Variants in PHLPP2 observed in about 807,000 individuals in gnomAD.
PHLPP2 encodes the protein PH domain leucine-rich repeat-containing protein phosphatase 2.
PHLPP2 carries 66 observed loss-of-function variants against 124.9 expected under a neutral mutation model. The observed-to-expected ratio is 0.53, with a 90% confidence interval of 0.43 to 0.65. PHLPP2 has a LOEUF of 0.65. Ranked by LOEUF, PHLPP2 falls within the 30% of genes least tolerant of loss-of-function variation. PHLPP2 has a pLI of 0.00. For missense variants in PHLPP2, 1,685 were observed against 1,600.4 expected, an observed-to-expected ratio of 1.05 and a Z score of -0.90; for synonymous variants, 681 against 624.7, an observed-to-expected ratio of 1.09 and a Z score of -1.34.
intron 15 of PHLPP2, among the ~76,000 whole-genome samples, chr16:71,657,240 G>A (rs2044749815): frequency 6.6e-6 from 1 of 152,068 alleles, no homozygotes; most frequent in African/African-American, 2.4e-5. Flanking sequence ...ACCGCTCCCG[G>A]CTAATTTTTG....
At position 71,666,605 on chromosome 16, in the gene PHLPP2, A is replaced by C. The variant is rs1175560519; in HGVS notation, c.1784+573T>G. Among the ~76,000 whole-genome samples, 4 of 152,358 alleles carry C rather than the reference A, an allele frequency of 2.6e-5. No individual in the cohort carries two copies. In the East Asian group the frequency reaches 7.7e-4, roughly 29 times the overall value. ...TTAAAGGTGATGTACACATTAGGTA[A>C]ACCTGATTACAGGCCTAAAATAGGA... is the stretch of plus-strand genomic sequence containing the variant. On this transcript the variant is annotated intron_variant, in intron 12 of 18. Transcript: ENST00000568954.
At chr16:71,686,058 A>T (rs554107736) in intron 4 of PHLPP2, among the ~76,000 whole-genome samples, 1 of 152,292 alleles carries the variant, frequency 6.6e-6, no homozygotes, top group Non-Finnish European at 1.5e-5. Context: ...GTGAGCTGAG[A>T]TCGTGCCACT....
intron 3 of PHLPP2, among the ~76,000 whole-genome samples, chr16:71,697,215 T>TAAATAAATAAATAAATA (rs1555547739): frequency 1.2e-5 from 1 of 82,578 alleles, no homozygotes; most frequent in East Asian, 4.8e-4. Context: ...AATAAATAAA[T>TAAATAAATAAATAAATA]AAAAAGAAAC....
intron 1 of PHLPP2, among the ~76,000 whole-genome samples, chr16:71,719,380 A>C (rs1345002658): frequency 6.6e-6 from 1 of 152,116 alleles, no homozygotes; most frequent in Non-Finnish European, 1.5e-5. Flanking sequence ...TATTAAAAAT[A>C]CAGAAGAATT....
intron 1 of PHLPP2, among the ~76,000 whole-genome samples, chr16:71,717,449 G>A (rs2045370591): frequency 6.6e-6 from 1 of 152,152 alleles, no homozygotes; most frequent in African/African-American, 2.4e-5. Flanking sequence ...TCTAACTTTA[G>A]AGAAGTAGGA....
chr16:71,707,540 G>A (rs925618452), intron 2 of PHLPP2, among the ~76,000 whole-genome samples: 1 of 152,102 alleles, frequency 6.6e-6, no homozygotes, highest in Non-Finnish European at 1.5e-5. Flanking sequence ...AGACTGAGTT[G>A]AATCATGAGG....
At chr16:71,696,859 G>C (rs1443570947) in intron 3 of PHLPP2, among the ~76,000 whole-genome samples, 1 of 151,898 alleles carries the variant, frequency 6.6e-6, no homozygotes, top group African/African-American at 2.4e-5. Context: ...GTTTTGCCAG[G>C]GGTTAACACT....
intron 9 of PHLPP2, among the ~76,000 whole-genome samples, chr16:71,672,724 A>T (rs775610840): frequency 6.6e-6 from 1 of 152,248 alleles, no homozygotes; most frequent in African/African-American, 2.4e-5. Flanking sequence ...CACTAGTGGA[A>T]CCAACACCCG....
chr16:71,697,332 G>C (rs945552876), intron 3 of PHLPP2, among the ~76,000 whole-genome samples: 1 of 152,034 alleles, frequency 6.6e-6, no homozygotes, highest in African/African-American at 2.4e-5. Context: ...AGCACACACT[G>C]GGGGTTTTAG....
intron 9 of PHLPP2, among the ~76,000 whole-genome samples, chr16:71,674,234 T>A (rs892836243): frequency 3.3e-5 from 5 of 152,074 alleles, no homozygotes; most frequent in African/African-American, 7.2e-5. Context: ...CGCGCCACCA[T>A]GCCCAGCTAA....
At chr16:71,701,290 A>G (rs2045230077) in intron 3 of PHLPP2, among the ~76,000 whole-genome samples, 1 of 91,596 alleles carries the variant, frequency 1.1e-5, no homozygotes, top group Non-Finnish European at 2.1e-5. Context: ...CTATCTATCT[A>G]TCTATCTATC....
At position 71,724,523 on chromosome 16, in the gene PHLPP2, A is replaced by T. The variant is rs566615280; in HGVS notation, c.-201T>A. 6.6e-6 allele frequency: 1 copy of T among 152,298 alleles called. No homozygotes were observed. Among genetic ancestry groups the T allele is most frequent in the Non-Finnish European group, 1.5e-5 (1 of 68,030 alleles). 9.4% of individuals were successfully genotyped at this position (152,298 alleles called of 1,614,324 possible). A position where few individuals can be genotyped will look rare whatever the true frequency, so the allele number is the denominator to read the frequency against. Reference sequence around the variant, plus strand: ...TGGCCTGTGACCCGGTTTATGATTTATTTGCAAGGCTGATTCAGAAAAAAA... The same window carrying T: ...TGGCCTGTGACCCGGTTTATGATTTTTTTGCAAGGCTGATTCAGAAAAAAA... On this transcript the variant is annotated 5_prime_UTR_variant, in exon 1 of 19. Coordinates refer to ENST00000568954, the MANE Select transcript of PHLPP2 (RefSeq NM_015020.3).
At chr16:71,661,311 T>G (rs1190952445) in intron 13 of PHLPP2, among the ~76,000 whole-genome samples, 1 of 152,140 alleles carries the variant, frequency 6.6e-6, no homozygotes, top group East Asian at 1.9e-4. Flanking sequence ...TCTCACGTGA[T>G]CCACCCAACT....
chr16:71,689,132 G>C (rs747450645), intron 4 of PHLPP2, among the ~76,000 whole-genome samples: 3 of 152,132 alleles, frequency 2.0e-5, no homozygotes, highest in South Asian at 4.1e-4. Flanking sequence ...TTCAGACCCA[G>C]AGCCCAGGAG....
intron 11 of PHLPP2, among the ~76,000 whole-genome samples, chr16:71,668,254 T>C (rs140818628): frequency 2.4e-4 from 36 of 149,850 alleles, no homozygotes; most frequent in African/African-American, 8.8e-4. Context: ...CTACTAAAAA[T>C]ACAAAAAAAA....
intron 3 of PHLPP2, among the ~76,000 whole-genome samples, chr16:71,699,710 A>G (rs1441142608): frequency 6.6e-6 from 1 of 152,196 alleles, no homozygotes; most frequent in African/African-American, 2.4e-5. Context: ...CTACGCAACA[A>G]GGCAAAGGGA....
intron 1 of PHLPP2, among the ~76,000 whole-genome samples, chr16:71,722,474 AT>A (rs764235399): frequency 1.3e-5 from 2 of 152,154 alleles, no homozygotes; most frequent in Non-Finnish European, 1.5e-5. Flanking sequence ...AGCACAAAAA[AT>A]GTTTTATATT....
rs77149426 is a variant in PHLPP2 at position 71,658,120 on chromosome 16, C to G, written c.2279+113G>C. The G allele has an allele frequency of 1.1e-3, 962 of 911,122 alleles. 12 individuals are homozygous for G. The African/African-American group carries it at 0.015, about 14-fold the overall frequency. 56.4% of individuals were successfully genotyped at this position (911,122 alleles called of 1,614,324 possible). A position where few individuals can be genotyped will look rare whatever the true frequency, so the allele number is the denominator to read the frequency against. On this transcript the variant is annotated intron_variant, in intron 15 of 18. Coordinates refer to ENST00000568954, the MANE Select transcript of PHLPP2 (RefSeq NM_015020.3). Reference sequence around the variant, plus strand: ...GAAGAGAACCTAGGGGCTTTATAGCCTAACTTCATTCTGTTCTTTTAATTA... The same window carrying G: ...GAAGAGAACCTAGGGGCTTTATAGCGTAACTTCATTCTGTTCTTTTAATTA...
At chr16:71,655,122 C>CA in intron 17 of PHLPP2, 118 bp downstream of exon 17, 1 of 710,960 alleles carries the variant, frequency 1.4e-6, no homozygotes, top group Non-Finnish European at 2.5e-6. Flanking sequence ...TAGAAGACAA[C>CA]AACGTGAGTT....
Sources: allele counts gnomAD v4.1 joint callset (sites outside exome capture counted in the v4.1 genomes callset), GRCh38; gene constraint gnomAD v4.1.1; transcripts MANE v1.5; gene names NCBI Gene and HGNC (gene_info 2026-07-23, HGNC 2026-07-21).